The following ZFAND3 variants were observed in gnomAD, a reference collection of about 807,000 sequenced individuals.
The protein encoded by ZFAND3 is zinc finger AN1-type containing 3.
In ZFAND3, 10 loss-of-function variants were observed where a neutral mutation model predicts 29.6. That is an observed-to-expected ratio of 0.34 (90% CI 0.21 to 0.57). The LOEUF (loss-of-function observed/expected upper bound fraction) is 0.57, where lower values mean the gene tolerates loss of function less well. Among genes scored for constraint, ZFAND3 ranks in the 20% least tolerant of loss-of-function variants. ZFAND3 has a pLI of 0.86. For synonymous variants in ZFAND3, 128 were observed against 112.6 expected, an observed-to-expected ratio of 1.14 and a Z score of -0.87; for missense variants, 230 against 304.5, an observed-to-expected ratio of 0.76 and a Z score of 1.82.
chr6:37,834,918 C>T (rs770396012), intron 1 of ZFAND3, among the ~76,000 whole-genome samples: 7 of 151,104 alleles, frequency 4.6e-5, no homozygotes, highest in Non-Finnish European at 1.0e-4. Flanking sequence ...TTCATACCAC[C>T]AGTATATGAG....
At chr6:38,029,363 A>G (rs182641550) in intron 2 of ZFAND3, among the ~76,000 whole-genome samples, 43 of 152,278 alleles carry the variant, frequency 2.8e-4, no homozygotes, top group South Asian at 6.2e-4. Context: ...TTTTCGTTTT[A>G]TGTTTTGACT....
At chr6:37,822,433 CT>C (rs1211717000) in intron 1 of ZFAND3, among the ~76,000 whole-genome samples, 1 of 152,154 alleles carries the variant, frequency 6.6e-6, no homozygotes, top group Non-Finnish European at 1.5e-5. Flanking sequence ...ACATTGCCGC[CT>C]TGTTTCCATC....
At chr6:38,053,606 C>T (rs1006540361) in intron 2 of ZFAND3, among the ~76,000 whole-genome samples, 2 of 152,110 alleles carry the variant, frequency 1.3e-5, no homozygotes, top group Non-Finnish European at 2.9e-5. Flanking sequence ...ATCGCTTGAA[C>T]CGAAGAGGCT....
intron 2 of ZFAND3, among the ~76,000 whole-genome samples, chr6:37,960,320 T>C (rs182591821): frequency 2.6e-5 from 4 of 152,386 alleles, no homozygotes; most frequent in Admixed American, 1.3e-4. Flanking sequence ...ATTTGTTATA[T>C]GCAGTGAACC....
At chr6:37,919,786 A>T (rs574288446) in intron 1 of ZFAND3, among the ~76,000 whole-genome samples, 240 of 152,296 alleles carry the variant, frequency 1.6e-3, no homozygotes, top group Non-Finnish European at 3.0e-3. Flanking sequence ...TTAAAACCGA[A>T]TCCTCCCCTT....
Position 38,116,575 on chromosome 6 carries a change from C to G in ZFAND3, c.365C>G (p.Ser122Ter). 6.2e-7 allele frequency: 1 copy of G among 1,609,118 alleles called. No individual in the cohort carries two copies. Among genetic ancestry groups the G allele is most frequent in the Non-Finnish European group, 8.5e-7 (1 of 1,176,060 alleles). ...CCAAATATGTTGTTTTGGTCAGATT[C>G]ACAGTCTGAGAATGAGGCTTCACCA... ...TPTKRSCGTD[S>*]QSENEASPVK... The change falls in exon 5 of 6, where the codon TCA becomes TGA. Residue 122 changes from serine to a stop codon, truncating the protein, a stop_gained. Transcript: ENST00000287218. LOFTEE classifies it high-confidence loss of function.
chr6:37,973,490 C>A (rs1214548010), intron 2 of ZFAND3, among the ~76,000 whole-genome samples: 1 of 152,236 alleles, frequency 6.6e-6, no homozygotes, highest in Non-Finnish European at 1.5e-5. Context: ...TAGAAATGTT[C>A]TCTATCTGTG....
chr6:38,006,065 T>TA (rs2127441641), intron 2 of ZFAND3, among the ~76,000 whole-genome samples: 1 of 152,362 alleles, frequency 6.6e-6, no homozygotes, highest in African/African-American at 2.4e-5. Flanking sequence ...CTCTGAGACT[T>TA]ACATTGAAGA....
intron 2 of ZFAND3, among the ~76,000 whole-genome samples, chr6:37,996,557 GT>G (rs1384202785): frequency 1.3e-5 from 2 of 151,658 alleles, no homozygotes; most frequent in African/African-American, 2.4e-5. Flanking sequence ...CCCCTAATAG[GT>G]TTTTTTTGTT....
At chr6:38,115,655 T>G (rs1765402651) in intron 4 of ZFAND3, among the ~76,000 whole-genome samples, 1 of 152,086 alleles carries the variant, frequency 6.6e-6, no homozygotes, top group South Asian at 2.1e-4. Flanking sequence ...TGGAAGTAAT[T>G]TAGCACAAAC....
At chr6:37,924,928 C>T (rs894258792) in intron 1 of ZFAND3, among the ~76,000 whole-genome samples, 3 of 151,934 alleles carry the variant, frequency 2.0e-5, no homozygotes, top group African/African-American at 4.8e-5. Flanking sequence ...TTTGGGGGTA[C>T]AGGGAACAGC....
chr6:38,011,229 A>G (rs956279195), intron 2 of ZFAND3, among the ~76,000 whole-genome samples: 3 of 152,104 alleles, frequency 2.0e-5, no homozygotes, highest in African/African-American at 7.2e-5. Context: ...TATTTCCAGT[A>G]TTGGAGTATT....
intron 2 of ZFAND3, among the ~76,000 whole-genome samples, chr6:38,002,183 C>A (rs1762960110): frequency 6.6e-6 from 1 of 151,278 alleles, no homozygotes; most frequent in African/African-American, 2.4e-5. Flanking sequence ...CTTAGTTCAA[C>A]AATAAATACT....
chr6:37,833,464 T>C (rs2127369269), intron 1 of ZFAND3, among the ~76,000 whole-genome samples: 1 of 152,272 alleles, frequency 6.6e-6, no homozygotes, highest in Admixed American at 6.5e-5. Context: ...GTTTTTCTAC[T>C]TTTTAATTGA....
intron 1 of ZFAND3, among the ~76,000 whole-genome samples, chr6:37,849,702 G>A (rs532316772): frequency 7.7e-4 from 118 of 152,266 alleles, no homozygotes; most frequent in African/African-American, 2.6e-3. Context: ...GAGCCACAGC[G>A]CCTGGCCTTG....
intron 2 of ZFAND3, among the ~76,000 whole-genome samples, chr6:38,050,752 T>A (rs1053948550): frequency 6.6e-6 from 1 of 152,226 alleles, no homozygotes. Context: ...CCTGGGACTA[T>A]AGGCGTGCAC....
chr6:37,846,755 A>G (rs554917727), intron 1 of ZFAND3, among the ~76,000 whole-genome samples: 2 of 145,312 alleles, frequency 1.4e-5, no homozygotes, highest in South Asian at 4.4e-4. Flanking sequence ...TCTGTCGCCC[A>G]GGCTGAAGTA....
intron 5 of ZFAND3, among the ~76,000 whole-genome samples, chr6:38,126,651 A>T (rs1322823101): frequency 2.6e-5 from 4 of 151,664 alleles, no homozygotes; most frequent in Non-Finnish European, 4.4e-5. Flanking sequence ...ATGACCAATG[A>T]TGTTGAACAT....
intron 2 of ZFAND3, among the ~76,000 whole-genome samples, chr6:37,965,462 A>G (rs2127426260): frequency 6.6e-6 from 1 of 152,288 alleles, no homozygotes; most frequent in South Asian, 2.1e-4. Flanking sequence ...CCGGGAGTTC[A>G]TATATCCATT....
Sources: gnomAD v4.1 joint callset for allele counts (sites outside exome capture counted in the v4.1 genomes callset) on GRCh38, gnomAD v4.1.1 for gene constraint, MANE v1.5 for transcripts, NCBI Gene and HGNC (gene_info 2026-07-23, HGNC 2026-07-21) for gene names.